Variants in ANKRD12 observed in about 807,000 individuals in gnomAD.
ANKRD12 encodes ankyrin repeat domain 12, also known as ankyrin repeat domain-containing protein 12.
In ANKRD12, 85 loss-of-function variants were observed where a neutral mutation model predicts 183.4. The observed-to-expected ratio is 0.46, with a 90% CI of 0.39 to 0.56. The LOEUF (loss-of-function observed/expected upper bound fraction) is 0.56, where lower values mean the gene tolerates loss of function less well. Among genes scored for constraint, ANKRD12 ranks in the 20% least tolerant of loss-of-function variants. The probability of loss-of-function intolerance (pLI) is 0.00; values close to 1 mark genes in which losing one functional copy is unlikely to be tolerated. For synonymous variants in ANKRD12, 914 were observed against 800.2 expected, an observed-to-expected ratio of 1.14 and a Z score of -2.40; for missense variants, 2,405 against 2,357.1, an observed-to-expected ratio of 1.02 and a Z score of -0.42.
chr18:9,255,569 A>G lies in ANKRD12; in HGVS notation c.2302A>G (p.Lys768Glu), dbSNP rs766481603. The change falls in exon 9 of 13, where the codon AAA becomes GAA. Residue 768 changes from lysine (K) to glutamate (E), a missense_variant. Lys to Glu is a moderately conservative substitution (Grantham distance 56, BLOSUM62 1). This residue lies in a region of ANKRD12 where 1,983 missense variants were observed against 1,725.9 expected (regional missense o/e 1.15). Transcript: ENST00000262126. ...SEKSFREEKIKDLKEERENIP... is the reference protein window; with the variant it reads ...SEKSFREEKIEDLKEERENIP... ...GAAATCTTTTAGGGAGGAAAAAATA[A>G]AAGATCTAAAAGAAGAGAGAGAAAA... is the stretch of plus-strand genomic sequence containing the variant. The G allele has an allele frequency of 5.1e-6, 8 of 1,568,308 alleles. No homozygotes were observed. The Admixed American group carries it at 8.8e-5, about 17-fold the overall frequency.
chr18:9,190,852 G>T (rs757670177), intron 2 of ANKRD12, among the ~76,000 whole-genome samples: 2 of 152,194 alleles, frequency 1.3e-5, no homozygotes, highest in Non-Finnish European at 2.9e-5. Context: ...CATGATTTTT[G>T]TACTGGGAAA....
At chr18:9,175,573 G>A (rs2033197695) in intron 1 of ANKRD12, among the ~76,000 whole-genome samples, 1 of 119,076 alleles carries the variant, frequency 8.4e-6, no homozygotes, top group Admixed American at 1.2e-4. Flanking sequence ...TGTCATGCAG[G>A]CTGGAGTGCA....
chr18:9,159,887 C>T (rs1031790375), intron 1 of ANKRD12, among the ~76,000 whole-genome samples: 1 of 151,824 alleles, frequency 6.6e-6, no homozygotes, highest in African/African-American at 2.4e-5. Context: ...TTACCACAGC[C>T]TCAAACTCCT....
intron 1 of ANKRD12, among the ~76,000 whole-genome samples, chr18:9,174,112 G>C (rs1367753572): frequency 2.0e-5 from 3 of 152,236 alleles, no homozygotes; most frequent in Non-Finnish European, 4.4e-5. Context: ...GCTGCCCTGT[G>C]AGGGACTCCT....
chr18:9,215,119 G>A (rs1382694893), intron 6 of ANKRD12, among the ~76,000 whole-genome samples: 1 of 151,928 alleles, frequency 6.6e-6, no homozygotes, highest in Admixed American at 6.6e-5. Flanking sequence ...AAATCAGTGA[G>A]GAAAAAAGAA....
intron 8 of ANKRD12, among the ~76,000 whole-genome samples, chr18:9,249,154 A>G (rs2038138287): frequency 6.6e-6 from 1 of 152,166 alleles, no homozygotes; most frequent in Non-Finnish European, 1.5e-5. Flanking sequence ...TAACTTCTGA[A>G]TAATGTGGAA....
chr18:9,263,181 T>C (rs1328799961), intron 9 of ANKRD12, among the ~76,000 whole-genome samples: 2 of 152,160 alleles, frequency 1.3e-5, no homozygotes, highest in Non-Finnish European at 2.9e-5. Flanking sequence ...AACACCTCTC[T>C]TCTGGGTTTG....
At chr18:9,168,943 G>T (rs2032385521) in intron 1 of ANKRD12, among the ~76,000 whole-genome samples, 1 of 152,122 alleles carries the variant, frequency 6.6e-6, no homozygotes. Context: ...TGGTTTCAAA[G>T]AACATCGTTA....
chr18:9,157,605 T>TA (rs1330885636), intron 1 of ANKRD12, among the ~76,000 whole-genome samples: 4 of 21,534 alleles, frequency 1.9e-4, no homozygotes, highest in African/African-American at 2.6e-4. Flanking sequence ...ATATATGTAT[T>TA]TTTTTTTTTT....
intron 3 of ANKRD12, among the ~76,000 whole-genome samples, chr18:9,197,721 A>T (rs1298453096): frequency 1.3e-5 from 2 of 152,230 alleles, no homozygotes; most frequent in Non-Finnish European, 2.9e-5. Context: ...ATTAAATGGA[A>T]ATGTATCATT....
At chr18:9,139,841 C>T (rs544905974) in intron 1 of ANKRD12, among the ~76,000 whole-genome samples, 1 of 152,166 alleles carries the variant, frequency 6.6e-6, no homozygotes, top group Non-Finnish European at 1.5e-5. Flanking sequence ...TTTATTTTTA[C>T]ACATGAGAAA....
chr18:9,260,208 C>A (rs1042282464), intron 9 of ANKRD12: 2 of 152,136 alleles, frequency 1.3e-5, no homozygotes, highest in African/African-American at 4.8e-5. Context: ...TAAAAGTAAT[C>A]TTCCCTCACA....
chr18:9,149,254 G>GT (rs1299540851), intron 1 of ANKRD12, among the ~76,000 whole-genome samples: 7 of 152,212 alleles, frequency 4.6e-5, no homozygotes, highest in Non-Finnish European at 1.0e-4. Context: ...TATGTGACAT[G>GT]TAAGTGTTTA....
At chr18:9,149,417 A>G (rs10853373) in intron 1 of ANKRD12, among the ~76,000 whole-genome samples, 17,005 of 152,248 alleles carry the variant, frequency 0.11, 1,133 homozygotes, top group African/African-American at 0.17. Context: ...TGTTTATTGA[A>G]CATACTTTTC....
At chr18:9,186,620 T>TA (rs2034082066) in intron 2 of ANKRD12, among the ~76,000 whole-genome samples, 1 of 152,228 alleles carries the variant, frequency 6.6e-6, no homozygotes, top group South Asian at 2.1e-4. Flanking sequence ...CTGTAGTTTT[T>TA]ATTCCAAAGA....
Position 9,254,856 on chromosome 18 carries a change from A to T in ANKRD12, c.1589A>T (p.Asp530Val). The T allele has an allele frequency of 6.6e-7, 1 of 1,514,352 alleles. No homozygotes were observed. The highest frequency in any genetic ancestry group is 8.8e-7 in the Non-Finnish European group (1 of 1,135,580). The allele number at this position is 1,514,352 out of a possible 1,614,324, so 93.8% of individuals were successfully genotyped here. The change falls in exon 9 of 13, where the codon GAT becomes GTT. Residue 530 changes from aspartate to valine, a missense_variant. By Grantham distance (152) the Asp-to-Val change is radical. This residue lies in a region of ANKRD12 where 1,983 missense variants were observed against 1,725.9 expected (regional missense o/e 1.15). Coordinates refer to ENST00000262126, the MANE Select transcript of ANKRD12 (RefSeq NM_015208.5). ...AGGAAATCTTTTAGCCCAAAAGATG[A>T]TACTTCATTACATTTATTTCATATT... is the stretch of plus-strand genomic sequence containing the variant. ...NFRKSFSPKD[D>V]TSLHLFHIST...
intron 5 of ANKRD12, among the ~76,000 whole-genome samples, chr18:9,209,082 C>T (rs2035638323): frequency 6.6e-6 from 1 of 152,114 alleles, no homozygotes; most frequent in African/African-American, 2.4e-5. Flanking sequence ...AAAATGTCAG[C>T]AGTATATTAA....
intron 1 of ANKRD12, among the ~76,000 whole-genome samples, chr18:9,180,619 G>T (rs940733125): frequency 6.6e-6 from 1 of 151,930 alleles, no homozygotes; most frequent in Non-Finnish European, 1.5e-5. Context: ...TATAGTGATT[G>T]CTTTAGGGAT....
chr18:9,255,040 G>C lies in ANKRD12; in HGVS notation c.1773G>C (p.Leu591Phe), dbSNP rs758432629. The C allele has an allele frequency of 1.9e-6, 3 of 1,594,404 alleles. No individual in the cohort carries two copies. The highest frequency in any genetic ancestry group is 2.6e-6 in the Non-Finnish European group (3 of 1,173,260). Reference protein sequence around the residue: ...VRYDNTESEFLPESSSVKSCK... With the variant: ...VRYDNTESEFFPESSSVKSCK... ...ATGATAATACAGAATCTGAATTCTTGCCAGAAAGTTCAAGTGTAAAATCTT... is the reference window on the plus strand; with the variant it reads ...ATGATAATACAGAATCTGAATTCTTCCCAGAAAGTTCAAGTGTAAAATCTT... Residue 591 changes from leucine to phenylalanine, a missense_variant, in exon 9 of 13, where the codon TTG (leucine) becomes TTC (phenylalanine). Leu to Phe is a conservative substitution (Grantham distance 22, BLOSUM62 0). Coordinates refer to ENST00000262126, the MANE Select transcript of ANKRD12 (RefSeq NM_015208.5).
Sources: allele counts gnomAD v4.1 joint callset (sites outside exome capture counted in the v4.1 genomes callset), GRCh38; gene constraint gnomAD v4.1.1; regional missense constraint gnomAD v4.1.1; transcripts MANE v1.5; gene names NCBI Gene and HGNC (gene_info 2026-07-23, HGNC 2026-07-21).